Variants in MCTP1 observed in about 807,000 individuals in gnomAD.
MCTP1 encodes multiple C2 and transmembrane domain-containing protein 1.
Under a neutral mutation model 120.6 loss-of-function variants are expected in MCTP1, and 69 were observed. The ratio of observed to expected loss-of-function variants is 0.57; its 90% CI spans 0.47 to 0.70. MCTP1 has a LOEUF of 0.70. Ranked by LOEUF, MCTP1 falls within the 30% of genes least tolerant of loss-of-function variation. The pLI, the probability that MCTP1 is intolerant of heterozygous loss-of-function variation, is 0.00. For synonymous variants in MCTP1, 529 were observed against 493.1 expected (o/e 1.07, Z -0.96); for missense variants, 1,203 against 1,248.8 (o/e 0.96, Z 0.55).
intron 1 of MCTP1, among the ~76,000 whole-genome samples, chr5:95,104,814 G>A (rs1756975351): frequency 6.6e-6 from 1 of 152,130 alleles, no homozygotes; most frequent in African/African-American, 2.4e-5. Context: ...GAACTACAAA[G>A]CCATCATCTT....
Position 95,284,554 on chromosome 5 carries a change from C to T in MCTP1, c.22G>A (p.Ala8Thr). The change falls in exon 1 of 23, where the codon GCG becomes ACG. Residue 8 changes from alanine to threonine, a missense_variant. By Grantham distance (58) the Ala-to-Thr change is moderately conservative. This residue lies in a region of MCTP1 where 463 missense variants were observed against 377.8 expected (regional missense o/e 1.23). Transcript: ENST00000515393. The surrounding 1 kb of genome is among the most constrained non-coding windows in gnomAD (Gnocchi z 5.2). The stretch of plus-strand genomic sequence containing the variant: ...GCCGCCGGCGGCTCTGGCTCGCCCG[C>T]CGCGGCAGCCCGGGGCTCCATCCTC... MEPRAAA[A>T]GEPEPPAASS... 1 of 1,448,408 alleles carries T rather than the reference C, an allele frequency of 6.9e-7. No individual in the cohort carries two copies. The highest frequency in any genetic ancestry group is 9.0e-7 in the Non-Finnish European group (1 of 1,112,944). 89.7% of individuals were successfully genotyped at this position (1,448,408 alleles called of 1,614,324 possible). A position where few individuals can be genotyped will look rare whatever the true frequency, so the allele number is the denominator to read the frequency against.
intron 1 of MCTP1, among the ~76,000 whole-genome samples, chr5:95,207,264 A>G (rs1751730037): frequency 6.6e-6 from 1 of 152,204 alleles, no homozygotes; most frequent in Non-Finnish European, 1.5e-5. Flanking sequence ...ATCTTTCAAT[A>G]GAGCAGCAGG....
intron 19 of MCTP1, among the ~76,000 whole-genome samples, chr5:94,724,412 A>ATTTT (rs34497014): frequency 7.2e-6 from 1 of 138,512 alleles, no homozygotes. Context: ...CGTCTGGCTA[A>ATTTT]TTTTTTTTTT....
intron 6 of MCTP1, 32 bp downstream of exon 6, chr5:94,931,921 G>T: frequency 6.4e-7 from 1 of 1,565,004 alleles, no homozygotes. Context: ...TGCTCAACAA[G>T]AAAAGCTGAA....
rs1783017100 is a variant in MCTP1 at position 94,809,539 on chromosome 5, C to A, written c.2437-10407G>T. 2.0e-5 allele frequency among the ~76,000 whole-genome samples: 3 copies of A among 152,216 alleles called. No individual in the cohort carries two copies. The South Asian group carries it at 6.2e-4, about 32-fold the overall frequency. ...AAGGTCCCTTTCATTAGAAATTAGT[C>A]TGTTACCTTTGTAGTTTGTAATGCC... On this transcript the variant is annotated intron_variant, in intron 17 of 22. Transcript: ENST00000515393.
Position 94,851,397 on chromosome 5 carries a change from C to A in MCTP1, c.2436+16936G>T, listed in dbSNP as rs1425597758. On this transcript the variant is annotated intron_variant, in intron 17 of 22. Transcript: ENST00000515393. Reference sequence around the variant, plus strand: ...CAACACAACATCTGAAAAGGTAGAGCAAATTCTTCTTCACAGTGTTAGAGA... The same window carrying A: ...CAACACAACATCTGAAAAGGTAGAGAAAATTCTTCTTCACAGTGTTAGAGA... Among the ~76,000 whole-genome samples, 8 of 151,988 alleles carry A rather than the reference C, an allele frequency of 5.3e-5. 1 individual carries two copies. Among genetic ancestry groups the A allele is most frequent in the Admixed American group, 1.3e-4 (2 of 15,222 alleles).
intron 1 of MCTP1, among the ~76,000 whole-genome samples, chr5:95,176,480 G>T (rs1036968704): frequency 8.5e-5 from 13 of 152,144 alleles, no homozygotes; most frequent in Non-Finnish European, 2.9e-5. Context: ...AGCTGAGATT[G>T]TACTACTGCA....
intron 7 of MCTP1, among the ~76,000 whole-genome samples, chr5:94,920,989 A>G (rs1437960482): frequency 1.3e-5 from 2 of 152,138 alleles, no homozygotes; most frequent in East Asian, 1.9e-4. Flanking sequence ...CACTTAAAAA[A>G]TATTTAAATT....
At chr5:95,024,833 TA>T (rs897114058) in intron 1 of MCTP1, among the ~76,000 whole-genome samples, 3 of 152,006 alleles carry the variant, frequency 2.0e-5, no homozygotes, top group Admixed American at 6.6e-5. Context: ...TACAATATCA[TA>T]AAAAATACTT....
chr5:95,108,669 A>G (rs1757261209), intron 1 of MCTP1, among the ~76,000 whole-genome samples: 1 of 152,228 alleles, frequency 6.6e-6, no homozygotes, highest in Non-Finnish European at 1.5e-5. Context: ...AGTCACCCTT[A>G]GCTAGACACC....
intron 7 of MCTP1, among the ~76,000 whole-genome samples, chr5:94,918,239 G>A (rs1052967477): frequency 1.3e-5 from 2 of 152,210 alleles, no homozygotes; most frequent in Admixed American, 1.3e-4. Flanking sequence ...TGGTAATAGA[G>A]CCTAATTAAG....
chr5:95,053,439 C>A (rs975127245), intron 1 of MCTP1, among the ~76,000 whole-genome samples: 5 of 152,108 alleles, frequency 3.3e-5, no homozygotes, highest in Admixed American at 2.0e-4. Context: ...TGAGCACTGC[C>A]ACCTACAGCC....
intron 18 of MCTP1, 120 bp from the exon 19 acceptor site, chr5:94,779,283 G>T: frequency 1.2e-6 from 1 of 820,516 alleles, no homozygotes. Flanking sequence ...ACTGAGAAGG[G>T]ATATTTGATC....
At chr5:94,725,494 T>C (rs1761922562) in intron 19 of MCTP1, among the ~76,000 whole-genome samples, 1 of 152,226 alleles carries the variant, frequency 6.6e-6, no homozygotes, top group South Asian at 2.1e-4. Context: ...TCTCAACTTC[T>C]AATGAAAAAG....
chr5:94,956,912 A>G (rs1455843230), intron 2 of MCTP1, among the ~76,000 whole-genome samples: 1 of 152,176 alleles, frequency 6.6e-6, no homozygotes, highest in African/African-American at 2.4e-5. Context: ...GGAAATACAG[A>G]AAACACCACA....
chr5:95,186,052 GCGC>G (rs1301316785), intron 1 of MCTP1, among the ~76,000 whole-genome samples: 1 of 151,648 alleles, frequency 6.6e-6, no homozygotes. Context: ...AGCCGAAATT[GCGC>G]CACTGCACTC....
intron 1 of MCTP1, among the ~76,000 whole-genome samples, chr5:95,178,984 C>T (rs1224566671): frequency 6.6e-6 from 1 of 152,068 alleles, no homozygotes; most frequent in African/African-American, 2.4e-5. Flanking sequence ...AAATAAAAAA[C>T]AATCACGACT....
chr5:94,853,594 T>C (rs1201166659), intron 17 of MCTP1, among the ~76,000 whole-genome samples: 1 of 151,854 alleles, frequency 6.6e-6, no homozygotes, highest in South Asian at 2.1e-4. Context: ...CTCATCCAGG[T>C]TGTTTCATAT....
At chr5:94,863,342 T>C (rs1796173169) in intron 17 of MCTP1, among the ~76,000 whole-genome samples, 1 of 151,734 alleles carries the variant, frequency 6.6e-6, no homozygotes, top group Non-Finnish European at 1.5e-5. Context: ...TAAAAAAAAA[T>C]TGTAGCAATA....
Sources: gnomAD v4.1 joint callset for allele counts (sites outside exome capture counted in the v4.1 genomes callset) on GRCh38, gnomAD v4.1.1 for gene constraint, gnomAD v4.1.1 regional missense constraint, Gnocchi (gnomAD v3.1) non-coding constraint, MANE v1.5 for transcripts, NCBI Gene and HGNC (gene_info 2026-07-23, HGNC 2026-07-21) for gene names.